The following DLG2 variants were observed in gnomAD, a reference collection of about 807,000 sequenced individuals.
The protein encoded by DLG2 is discs large MAGUK scaffold protein 2, also known as disks large homolog 2.
DLG2 carries 45 observed loss-of-function variants against 132.5 expected under a neutral mutation model. That is an observed-to-expected ratio of 0.34 (90% CI 0.27 to 0.44). The LOEUF (loss-of-function observed/expected upper bound fraction) is 0.44. Ranked by LOEUF, DLG2 falls within the 20% of genes least tolerant of loss-of-function variation. The probability of loss-of-function intolerance (pLI) is 1.00; values close to 1 mark genes in which losing one functional copy is unlikely to be tolerated. For synonymous variants in DLG2, 424 were observed against 419.6 expected, an observed-to-expected ratio of 1.01 and a Z score of -0.13; for missense variants, 1,045 against 1,196.9, an observed-to-expected ratio of 0.87 and a Z score of 1.87.
At chr11:84,461,830 G>A (rs1401260258) in intron 7 of DLG2, among the ~76,000 whole-genome samples, 1 of 150,708 alleles carries the variant, frequency 6.6e-6, no homozygotes, top group Non-Finnish European at 1.5e-5. Flanking sequence ...ATTAGTTCTG[G>A]GAGGGCAGCA....
At chr11:83,714,150 A>C (rs1232736948) in intron 18 of DLG2, among the ~76,000 whole-genome samples, 1 of 151,838 alleles carries the variant, frequency 6.6e-6, no homozygotes, top group Non-Finnish European at 1.5e-5. Flanking sequence ...TAGAAACTAC[A>C]AATGTAACTA....
intron 15 of DLG2, among the ~76,000 whole-genome samples, chr11:83,878,406 G>C (rs777693084): frequency 1.1e-4 from 16 of 151,920 alleles, no homozygotes; most frequent in Admixed American, 4.6e-4. Flanking sequence ...ATTTTCAAGG[G>C]AAAAAAGTGC....
chr11:83,728,896 T>G (rs2090498982), intron 18 of DLG2, among the ~76,000 whole-genome samples: 1 of 152,270 alleles, frequency 6.6e-6, no homozygotes, highest in Non-Finnish European at 1.5e-5. Flanking sequence ...ACAGTTGTCT[T>G]GCCCAGGAAT....
At chr11:83,671,860 C>T (rs1360287623) in intron 18 of DLG2, among the ~76,000 whole-genome samples, 1 of 152,164 alleles carries the variant, frequency 6.6e-6, no homozygotes, top group Non-Finnish European at 1.5e-5. Context: ...GTCCAAATCT[C>T]CAATTGTCTC....
chr11:84,959,611 A>C (rs2052234206), intron 6 of DLG2, among the ~76,000 whole-genome samples: 1 of 152,252 alleles, frequency 6.6e-6, no homozygotes, highest in Non-Finnish European at 1.5e-5. Context: ...TCTTAAAAAA[A>C]TAAAATAATT....
At chr11:84,313,803 T>A (rs1426971325) in intron 7 of DLG2, among the ~76,000 whole-genome samples, 1 of 152,154 alleles carries the variant, frequency 6.6e-6, no homozygotes, top group Non-Finnish European at 1.5e-5. Flanking sequence ...TGGGAAGAAA[T>A]GCCACATAAA....
At chr11:84,609,369 AG>A (rs1230805871) in intron 6 of DLG2, among the ~76,000 whole-genome samples, 1 of 152,184 alleles carries the variant, frequency 6.6e-6, no homozygotes, top group Non-Finnish European at 1.5e-5. Flanking sequence ...AATAGTCAAT[AG>A]TTGTTAAGTG....
intron 6 of DLG2, among the ~76,000 whole-genome samples, chr11:85,069,572 T>C (rs1036078435): frequency 6.6e-6 from 1 of 152,152 alleles, no homozygotes; most frequent in Non-Finnish European, 1.5e-5. Flanking sequence ...TCACTGGCCA[T>C]CAGAGAAATG....
intron 10 of DLG2, among the ~76,000 whole-genome samples, chr11:84,085,634 C>T (rs539080831): frequency 1.3e-5 from 2 of 152,326 alleles, no homozygotes; most frequent in South Asian, 4.1e-4. Flanking sequence ...TCCTATGTCT[C>T]CTGCCTTCAC....
In DLG2 at chr11:85,436,527, G is replaced by C. The variant is rs554983454; in HGVS notation, c.41-151162C>G. Among the ~76,000 whole-genome samples, 3 of 152,210 alleles carry C rather than the reference G, an allele frequency of 2.0e-5. No homozygotes were observed. The South Asian group carries it at 6.2e-4, about 32-fold the overall frequency. On this transcript the variant is annotated intron_variant, in intron 3 of 27. Transcript: ENST00000376104. ...TATGAACAGATGCTTCTCAAAAGAA[G>C]AAATCAATGCAGCCAACAAACATGA...
chr11:83,541,708 C>G lies in DLG2; in HGVS notation c.2091G>C (p.Glu697Asp). Residue 697 changes from glutamate to aspartate, a missense_variant, in exon 20 of 28, where the codon GAG becomes GAC. Glu to Asp is a conservative substitution (Grantham distance 45). Around this residue, in one of 4 missense-constraint regions of DLG2, gnomAD observed 398 missense variants for 543.6 expected, o/e 0.73. Transcript: ENST00000376104. Reference sequence around the variant, plus strand: ...TCCTTTTGCTGGGGATGACCCCCATCTCCTCACTGTCTCCCTCCAGCATGA... The same window carrying G: ...TCCTTTTGCTGGGGATGACCCCCATGTCCTCACTGTCTCCCTCCAGCATGA... Reference protein sequence around the residue: ...RRVMLEGDSEEMGVIPSKRRV... With the variant: ...RRVMLEGDSEDMGVIPSKRRV... 2 of 1,610,642 alleles carry G rather than the reference C, an allele frequency of 1.2e-6. No homozygotes were observed. The highest frequency in any genetic ancestry group is 3.3e-4 in the Middle Eastern group (2 of 6,040).
At chr11:85,194,402 TA>T (rs1217577721) in intron 4 of DLG2, among the ~76,000 whole-genome samples, 1 of 152,132 alleles carries the variant, frequency 6.6e-6, no homozygotes, top group East Asian at 1.9e-4. Flanking sequence ...TATAGTTATA[TA>T]TTCATTGTTT....
chr11:84,212,804 G>A (rs1270898635), intron 8 of DLG2, among the ~76,000 whole-genome samples: 2 of 152,176 alleles, frequency 1.3e-5, no homozygotes, highest in Admixed American at 6.5e-5. Context: ...GACTATAGGT[G>A]CATGCCACCA....
At chr11:84,584,856 T>C (rs1420866996) in intron 6 of DLG2, among the ~76,000 whole-genome samples, 1 of 151,366 alleles carries the variant, frequency 6.6e-6, no homozygotes, top group Admixed American at 6.6e-5. Flanking sequence ...ACCCGGCTAA[T>C]TTTTTGTATT....
intron 9 of DLG2, among the ~76,000 whole-genome samples, chr11:84,121,578 T>A (rs2154201633): frequency 1.7e-5 from 1 of 59,034 alleles, no homozygotes; most frequent in Non-Finnish European, 3.7e-5. Flanking sequence ...TTTTTTTTTT[T>A]TGAGACGGAG....
At chr11:84,572,809 C>G (rs1172907499) in intron 6 of DLG2, among the ~76,000 whole-genome samples, 3 of 152,080 alleles carry the variant, frequency 2.0e-5, no homozygotes, top group African/African-American at 7.2e-5. Context: ...TCCCCAATCT[C>G]AGTGTTCCAT....
intron 3 of DLG2, among the ~76,000 whole-genome samples, chr11:85,353,149 C>G (rs1031487090): frequency 6.6e-6 from 1 of 152,016 alleles, no homozygotes; most frequent in Non-Finnish European, 1.5e-5. Flanking sequence ...AAGAAAAAAA[C>G]AAACAACCCC....
chr11:84,788,677 A>T (rs1465283034), intron 6 of DLG2, among the ~76,000 whole-genome samples: 2 of 152,128 alleles, frequency 1.3e-5, no homozygotes, highest in African/African-American at 4.8e-5. Context: ...AAATTATTTG[A>T]TTACTTATCT....
chr11:85,492,320 A>C (rs79448310), intron 3 of DLG2, among the ~76,000 whole-genome samples: 11,582 of 152,250 alleles, frequency 0.076, 773 homozygotes, highest in Non-Finnish European at 0.11. Context: ...TGCATTTCTC[A>C]ATCAAAAAAT....
Sources: gnomAD v4.1 joint callset for allele counts (sites outside exome capture counted in the v4.1 genomes callset) on GRCh38, gnomAD v4.1.1 for gene constraint, gnomAD v4.1.1 regional missense constraint, MANE v1.5 for transcripts, NCBI Gene and HGNC (gene_info 2026-07-23, HGNC 2026-07-21) for gene names.